The following CTNNA3 variants were observed in gnomAD, a reference collection of about 807,000 sequenced individuals.
The protein encoded by CTNNA3 is catenin alpha-3.
CTNNA3 carries 76 observed loss-of-function variants against 95.7 expected under a neutral mutation model. The ratio of observed to expected loss-of-function variants is 0.79; its 90% CI spans 0.66 to 0.96. CTNNA3 has a LOEUF of 0.96. Ranked by LOEUF, CTNNA3 falls within the 40% of genes least tolerant of loss-of-function variation. CTNNA3 has a pLI of 0.00. For synonymous variants in CTNNA3, 431 were observed against 374.4 expected (o/e 1.15, Z -1.74); for missense variants, 1,191 against 1,089.8 (o/e 1.09, Z -1.31).
intron 12 of CTNNA3, among the ~76,000 whole-genome samples, chr10:66,369,629 T>C (rs2092738149): frequency 6.6e-6 from 1 of 152,314 alleles, no homozygotes; most frequent in East Asian, 1.9e-4. Flanking sequence ...TGATAAACAA[T>C]TAATTGATTT....
chr10:66,234,691 T>C (rs775162103), intron 13 of CTNNA3, among the ~76,000 whole-genome samples: 5 of 152,170 alleles, frequency 3.3e-5, no homozygotes, highest in Admixed American at 6.5e-5. Flanking sequence ...TTTTGCAAGG[T>C]GTAGTAACTC....
intron 9 of CTNNA3, among the ~76,000 whole-genome samples, chr10:66,680,266 G>A (rs1167775545): frequency 1.3e-5 from 2 of 151,854 alleles, no homozygotes; most frequent in South Asian, 2.1e-4. Flanking sequence ...TCCTGACCTC[G>A]TGATCCTCCT....
intron 2 of CTNNA3, among the ~76,000 whole-genome samples, chr10:67,624,791 T>C (rs1843972238): frequency 6.6e-6 from 1 of 152,144 alleles, no homozygotes; most frequent in African/African-American, 2.4e-5. Flanking sequence ...CATAATCTGG[T>C]CAAGCAGACG....
At chr10:67,708,592 T>C (rs1841090566) in intron 1 of CTNNA3, among the ~76,000 whole-genome samples, 1 of 152,188 alleles carries the variant, frequency 6.6e-6, no homozygotes, top group African/African-American at 2.4e-5. Flanking sequence ...GTAATACAGC[T>C]TTTAAAATGT....
intron 9 of CTNNA3, among the ~76,000 whole-genome samples, chr10:66,651,159 T>A (rs1224643934): frequency 6.6e-6 from 1 of 152,160 alleles, no homozygotes; most frequent in Non-Finnish European, 1.5e-5. Flanking sequence ...CAAAGAGTGC[T>A]GATCAGTGTG....
At chr10:66,196,240 C>T (rs757926824) in intron 13 of CTNNA3, among the ~76,000 whole-genome samples, 5 of 151,998 alleles carry the variant, frequency 3.3e-5, no homozygotes, top group Non-Finnish European at 5.9e-5. Flanking sequence ...AGCAAGATAA[C>T]ATTAATGAGA....
intron 15 of CTNNA3, among the ~76,000 whole-genome samples, chr10:66,033,398 G>A (rs909159865): frequency 6.6e-6 from 1 of 152,086 alleles, no homozygotes; most frequent in African/African-American, 2.4e-5. Flanking sequence ...GCCTCCCGAA[G>A]TGCTGGGATT....
chr10:66,030,710 A>G (rs919650708), intron 15 of CTNNA3, among the ~76,000 whole-genome samples: 9 of 152,212 alleles, frequency 5.9e-5, no homozygotes, highest in African/African-American at 1.9e-4. Context: ...GTCAAGTGGA[A>G]TCTAATTAAA....
chr10:67,305,994 A>G (rs1840538810), intron 5 of CTNNA3, among the ~76,000 whole-genome samples: 2 of 152,234 alleles, frequency 1.3e-5, no homozygotes, highest in Non-Finnish European at 2.9e-5. Flanking sequence ...AGTGTGCTTG[A>G]CAAGTAGGAA....
At chr10:66,586,262 C>T (rs1348639535) in intron 10 of CTNNA3, among the ~76,000 whole-genome samples, 1 of 152,064 alleles carries the variant, frequency 6.6e-6, no homozygotes, top group Non-Finnish European at 1.5e-5. Flanking sequence ...GAGGTGCCCA[C>T]AGATAAACAC....
intron 16 of CTNNA3, among the ~76,000 whole-genome samples, chr10:65,970,085 C>A (rs990107241): frequency 6.6e-6 from 1 of 152,056 alleles, no homozygotes; most frequent in Non-Finnish European, 1.5e-5. Context: ...TCTACATAAA[C>A]CTTATTTATA....
intron 9 of CTNNA3, among the ~76,000 whole-genome samples, chr10:66,691,466 C>T (rs945097443): frequency 2.6e-5 from 4 of 152,220 alleles, no homozygotes; most frequent in African/African-American, 9.7e-5. Context: ...GAAGCTCGAA[C>T]TAGGTGGAGC....
intron 4 of CTNNA3, among the ~76,000 whole-genome samples, chr10:67,524,402 A>C: frequency 1.3e-5 from 1 of 77,126 alleles, no homozygotes; most frequent in African/African-American, 5.6e-5. Flanking sequence ...TCTCAAAAAA[A>C]AAAAAAAAAA....
chr10:65,988,634 C>A, intron 16 of CTNNA3, 58 bp downstream of exon 16: 5 of 1,381,104 alleles, frequency 3.6e-6, no homozygotes, highest in Non-Finnish European at 5.1e-6. Context: ...AATCAATGTT[C>A]TAATGGCAAA....
At chr10:66,972,780 G>A (rs1316753026) in intron 7 of CTNNA3, among the ~76,000 whole-genome samples, 1 of 144,180 alleles carries the variant, frequency 6.9e-6, no homozygotes. Flanking sequence ...GTGCAATCTC[G>A]GCTCACTGCA....
At chr10:66,986,655 A>C (rs1850745094) in intron 7 of CTNNA3, among the ~76,000 whole-genome samples, 3 of 152,172 alleles carry the variant, frequency 2.0e-5, no homozygotes, top group African/African-American at 7.2e-5. Context: ...AGAATGAATC[A>C]ACTATAGTCA....
chr10:66,965,483 C>T (rs1369670666), intron 7 of CTNNA3, among the ~76,000 whole-genome samples: 1 of 149,418 alleles, frequency 6.7e-6, no homozygotes, highest in African/African-American at 2.5e-5. Flanking sequence ...TGCAGTGAGC[C>T]GAGATCGCAC....
At position 66,010,612 on chromosome 10, in the gene CTNNA3, G is replaced by T. The variant is rs1207182857; in HGVS notation, c.2160-21815C>A. Among the ~76,000 whole-genome samples the T allele has an allele frequency of 5.3e-5, 8 of 152,110 alleles. 1 individual carries two copies. Among genetic ancestry groups the T allele is most frequent in the African/African-American group, 1.7e-4 (7 of 41,424 alleles). ...CTCTGTCTTCTAAGAGCTGAGTTTG[G>T]GCATCTTTTATAGCAACCAATTTTC... On this transcript the variant is annotated intron_variant, in intron 15 of 17. Transcript: ENST00000433211.
chr10:66,379,667 T>A (rs1473023558), intron 11 of CTNNA3, among the ~76,000 whole-genome samples: 2 of 152,132 alleles, frequency 1.3e-5, no homozygotes, highest in Non-Finnish European at 2.9e-5. Context: ...AGTTTCTAGA[T>A]TAAAATGAAA....
Sources: allele counts gnomAD v4.1 joint callset (sites outside exome capture counted in the v4.1 genomes callset), GRCh38; gene constraint gnomAD v4.1.1; transcripts MANE v1.5; gene names NCBI Gene and HGNC (gene_info 2026-07-23, HGNC 2026-07-21).